The following TMEM175 variants were observed in gnomAD, a reference collection of about 807,000 sequenced individuals.
TMEM175 encodes the protein transmembrane protein 175, also known as endosomal/lysosomal proton channel TMEM175.
TMEM175 carries 36 observed loss-of-function variants against 36.5 expected under a neutral mutation model. That is an observed-to-expected ratio of 0.99 (90% CI 0.76 to 1.30). TMEM175 has a LOEUF of 1.30. Ranked by LOEUF, TMEM175 falls within the 50% of genes most tolerant of loss-of-function variation. TMEM175 has a pLI of 0.00. For missense variants in TMEM175, 705 were observed against 692.8 expected (o/e 1.02, Z -0.20); for synonymous variants, 339 against 313.4 (o/e 1.08, Z -0.86).
rs71166902 is a variant in TMEM175 at position 941,007 on chromosome 4, AAATAATAATAAT to A, written c.-31-6671_-31-6660del. Among the ~76,000 whole-genome samples, 43 of 131,844 alleles carry A rather than the reference AAATAATAATAAT, an allele frequency of 3.3e-4. 1 individual carries two copies. Among genetic ancestry groups the A allele is most frequent in the South Asian group, 5.1e-4 (2 of 3,928 alleles). The allele number at this position is 131,844 out of a possible 152,430, so 86.5% of individuals were successfully genotyped here. A position where few individuals can be genotyped will look rare whatever the true frequency, so the allele number is the denominator to read the frequency against. ...GGTGACAGAGTGAGACTCCGTCTCA[AAATAATAATAAT>A]AATAATAATAATAATAATAATAATA... On this transcript the variant is annotated intron_variant, in intron 1 of 10. Transcript: ENST00000264771.
intron 10 of TMEM175, chr4:956,750 A>C: frequency 3.1e-6 from 1 of 318,096 alleles, no homozygotes; most frequent in Non-Finnish European, 6.1e-6. Flanking sequence ...GGCCATCGTA[A>C]TGTTTGAATT....
intron 4 of TMEM175, 70 bp from the exon 5 acceptor site, chr4:951,137 A>G: frequency 7.3e-7 from 1 of 1,378,064 alleles, no homozygotes; most frequent in South Asian, 1.2e-5. Context: ...AAGATGCTGG[A>G]AAGAGTGTGT....
chr4:958,226 GCATGTGCT>G lies in TMEM175; in HGVS notation c.1251_1258del (p.Leu418ArgfsTer129). On this transcript the variant is annotated frameshift_variant, in exon 11 of 11. Transcript: ENST00000264771. LOFTEE classifies it low-confidence loss of function (END_TRUNC). ...CCTCGGTGTGGTTTGGCGGCCGGGA[GCATGTGCT>G]CATGTTCGCCAAGCTGGCGCTGTAC... The G allele has an allele frequency of 6.2e-7, 1 of 1,603,080 alleles. No individual in the cohort carries two copies.
chr4:945,608 T>G (rs187369965), intron 1 of TMEM175, among the ~76,000 whole-genome samples: 2 of 152,308 alleles, frequency 1.3e-5, no homozygotes, highest in East Asian at 3.9e-4. Flanking sequence ...CTCTCCTTGT[T>G]TTTGTGCGTC....
chr4:938,773 A>G lies in TMEM175; in HGVS notation c.-32+6233A>G, dbSNP rs1194191563. Among the ~76,000 whole-genome samples the G allele has an allele frequency of 2.0e-5, 3 of 152,236 alleles. No homozygotes were observed. In the East Asian group the frequency reaches 5.8e-4, roughly 29 times the overall value. Reference sequence around the variant, plus strand: ...ATTAAAGCCCATAATAAATGGAGAGATATGCCATATTCATAAACTAGGAGA... The same window carrying G: ...ATTAAAGCCCATAATAAATGGAGAGGTATGCCATATTCATAAACTAGGAGA... On this transcript the variant is annotated intron_variant, in intron 1 of 10. Transcript: ENST00000264771.
rs576921439 is a variant in TMEM175, at chr4:938,130, A to G, written c.-32+5590A>G. Among the ~76,000 whole-genome samples the G allele has an allele frequency of 5.3e-5, 8 of 152,354 alleles. No homozygotes were observed. The South Asian group carries it at 1.7e-3, about 32-fold the overall frequency. On this transcript the variant is annotated intron_variant, in intron 1 of 10. Coordinates refer to ENST00000264771, the MANE Select transcript of TMEM175 (RefSeq NM_032326.4). ...ATGTTTTCCCCCTAAGACCAGGAAC[A>G]AGCCAAGGCTGGCTGTCTGATCTCA... is the stretch of plus-strand genomic sequence containing the variant.
At chr4:952,091 C>T (rs1173616376) in intron 6 of TMEM175, 11 of 587,304 alleles carry the variant, frequency 1.9e-5, no homozygotes, top group Non-Finnish European at 2.7e-5. Flanking sequence ...TCTGAGTGTG[C>T]GGGGCTGTGT....
At chr4:940,063 T>C (rs1002548293) in intron 1 of TMEM175, among the ~76,000 whole-genome samples, 2 of 152,256 alleles carry the variant, frequency 1.3e-5, no homozygotes, top group East Asian at 3.8e-4. Flanking sequence ...AAATGCATAT[T>C]GCTCAATGAA....
intron 10 of TMEM175, chr4:956,899 C>T (rs1016877281): frequency 1.8e-5 from 3 of 168,816 alleles, no homozygotes; most frequent in African/African-American, 7.2e-5. Context: ...TGATGCTCTT[C>T]TCTGCTGTCG....
At chr4:936,653 A>T (rs1165295212) in intron 1 of TMEM175, among the ~76,000 whole-genome samples, 4 of 152,228 alleles carry the variant, frequency 2.6e-5, no homozygotes, top group African/African-American at 9.6e-5. Context: ...ACTTAAGCTC[A>T]TTTAAGAAGA....
At chr4:937,103 A>G (rs1224272911) in intron 1 of TMEM175, among the ~76,000 whole-genome samples, 1 of 152,128 alleles carries the variant, frequency 6.6e-6, no homozygotes, top group Non-Finnish European at 1.5e-5. Flanking sequence ...TATGATTATT[A>G]CACATTGCAT....
intron 1 of TMEM175, among the ~76,000 whole-genome samples, chr4:936,966 A>T (rs1726863191): frequency 6.6e-6 from 1 of 152,170 alleles, no homozygotes. Context: ...AAAAAAAAAA[A>T]GAGAAATTGT....
intron 10 of TMEM175, chr4:956,157 C>A: frequency 1.4e-6 from 1 of 700,976 alleles, no homozygotes; most frequent in Non-Finnish European, 2.2e-6. Flanking sequence ...GAGGTCAGCA[C>A]CAGCAGCCAA....
chr4:941,105 C>T (rs889477297), intron 1 of TMEM175, among the ~76,000 whole-genome samples: 1 of 148,316 alleles, frequency 6.7e-6, no homozygotes, highest in Non-Finnish European at 1.5e-5. Flanking sequence ...GGGCCGGGTG[C>T]AGTGGCTCAC....
Position 955,502 on chromosome 4 carries a change from G to A in TMEM175, c.706+19G>A, listed in dbSNP as rs1012581737. 2.5e-6 allele frequency: 4 copies of A among 1,612,280 alleles called. No homozygotes were observed. The highest frequency in any genetic ancestry group is 1.3e-5 in the African/African-American group (1 of 74,918). ...CTCCTGGGTAGGTGATGACTGGGTG[G>A]GCTGGCCTGAGAGGCCTGTAGTCCG... On this transcript the variant is annotated intron_variant, in intron 9 of 10. Transcript: ENST00000264771.
At chr4:956,166 A>G in intron 10 of TMEM175, 1 of 712,030 alleles carries the variant, frequency 1.4e-6, no homozygotes, top group Non-Finnish European at 2.1e-6. Context: ...ACCAGCAGCC[A>G]ACTGCTCTCC....
At chr4:936,320 A>G (rs1726775096) in intron 1 of TMEM175, among the ~76,000 whole-genome samples, 1 of 151,898 alleles carries the variant, frequency 6.6e-6, no homozygotes, top group African/African-American at 2.4e-5. Flanking sequence ...AAAAAAAAAA[A>G]GGAAACTAGA....
In TMEM175 at chr4:948,371, G is replaced by A. The variant is rs1404012986; in HGVS notation, c.192+217G>A. 3 of 1,532,464 alleles carry A rather than the reference G, an allele frequency of 2.0e-6. No individual in the cohort carries two copies. In the South Asian group the frequency reaches 3.6e-5, roughly 18 times the overall value. 94.9% of individuals were successfully genotyped at this position (1,532,464 alleles called of 1,614,324 possible). A position where few individuals can be genotyped will look rare whatever the true frequency, so the allele number is the denominator to read the frequency against. On this transcript the variant is annotated intron_variant, in intron 3 of 10. Coordinates refer to ENST00000264771, the MANE Select transcript of TMEM175 (RefSeq NM_032326.4). ...GCGGAGGTCCTGGCCTCCTGGGAGG[G>A]TGGGAGACTGGGCTCCTAGGGCTCT...
intron 1 of TMEM175, among the ~76,000 whole-genome samples, chr4:940,327 A>T (rs555991506): frequency 2.0e-5 from 3 of 152,010 alleles, no homozygotes; most frequent in African/African-American, 4.8e-5. Context: ...ATGCGCCTGT[A>T]ATCCCAGCTA....
Sources: allele counts gnomAD v4.1 joint callset (sites outside exome capture counted in the v4.1 genomes callset), GRCh38; gene constraint gnomAD v4.1.1; transcripts MANE v1.5; gene names NCBI Gene and HGNC (gene_info 2026-07-23, HGNC 2026-07-21).